The following CTPS2 variants were observed in gnomAD, a reference collection of about 807,000 sequenced individuals.
CTPS2 encodes the protein CTP synthase II.
CTPS2 carries 19 observed loss-of-function variants against 46.8 expected under a neutral mutation model. The observed-to-expected ratio is 0.41, with a 90% confidence interval of 0.28 to 0.60. The LOEUF (loss-of-function observed/expected upper bound fraction) is 0.60, where lower values mean the gene tolerates loss of function less well. Among genes scored for constraint, CTPS2 ranks in the 20% least tolerant of loss-of-function variants. The pLI is 0.35. For synonymous variants in CTPS2, 151 were observed against 165.2 expected (o/e 0.91, Z 0.66); for missense variants, 286 against 447.6 (o/e 0.64, Z 3.26).
chrX:16,611,331 G>C (rs980835419), intron 16 of CTPS2, among the ~76,000 whole-genome samples: 12 of 110,019 alleles, frequency 1.1e-4, no homozygotes, highest in African/African-American at 4.0e-4. Flanking sequence ...TGCACCTGTG[G>C]TTCCAGCTAC....
chrX:16,622,141 A>G (rs375624008), intron 14 of CTPS2, among the ~76,000 whole-genome samples: 3 of 111,010 alleles, frequency 2.7e-5, no homozygotes, highest in East Asian at 5.6e-4. Context: ...GCGGTGGCTC[A>G]CACCTGTAAT....
chrX:16,618,098 C>T (rs927886101), intron 15 of CTPS2, among the ~76,000 whole-genome samples: 1 of 111,577 alleles, frequency 9.0e-6, no homozygotes, highest in African/African-American at 3.3e-5. Context: ...CCCAACCCCC[C>T]ATCACCCTGA....
At chrX:16,637,288 G>A (rs752733629) in intron 14 of CTPS2, among the ~76,000 whole-genome samples, 4 of 111,316 alleles carry the variant, frequency 3.6e-5, no homozygotes, top group African/African-American at 1.3e-4. Context: ...GCACCATCAT[G>A]GCTCACTGCA....
intron 13 of CTPS2, among the ~76,000 whole-genome samples, chrX:16,649,742 C>T (rs192890692): frequency 4.4e-5 from 5 of 112,366 alleles, no homozygotes; most frequent in East Asian, 2.8e-4. Flanking sequence ...CCTCCTGCCT[C>T]GGCCTCCCAA....
At chrX:16,625,338 G>A (rs1339348677) in intron 14 of CTPS2, among the ~76,000 whole-genome samples, 3 of 112,365 alleles carry the variant, frequency 2.7e-5, no homozygotes, top group South Asian at 7.4e-4. Flanking sequence ...TCGATAAAAC[G>A]AGAGAGTTCC....
intron 1 of CTPS2, among the ~76,000 whole-genome samples, chrX:16,706,615 C>G (rs953835763): frequency 2.7e-4 from 30 of 111,193 alleles, no homozygotes; most frequent in African/African-American, 9.2e-4. Flanking sequence ...AATCCCAGCA[C>G]TTTGGGAGGC....
intron 13 of CTPS2, among the ~76,000 whole-genome samples, chrX:16,640,305 C>T (rs1025359209): frequency 3.6e-5 from 4 of 111,393 alleles, no homozygotes; most frequent in African/African-American, 1.3e-4. Context: ...GGACAATCTC[C>T]TCCCATTCCT....
intron 1 of CTPS2, among the ~76,000 whole-genome samples, chrX:16,709,232 A>G (rs1925259835): frequency 9.1e-6 from 1 of 110,252 alleles, no homozygotes; most frequent in South Asian, 3.8e-4. Context: ...GTTCGAGACC[A>G]GCCTGGGCAA....
chrX:16,702,788 T>C lies in CTPS2; in HGVS notation c.115A>G (p.Ile39Val), dbSNP rs748681813. 3 of 1,210,716 alleles carry C rather than the reference T, an allele frequency of 2.5e-6. No individual in the cohort carries two copies. The highest frequency in any genetic ancestry group is 2.2e-6 in the Non-Finnish European group (2 of 894,932). ...GCATCGATGTTAATATAGGGGTCGATTTTTATGGCAGTAACTCGGAGTCCA... is the reference window on the plus strand; with the variant it reads ...GCATCGATGTTAATATAGGGGTCGACTTTTATGGCAGTAACTCGGAGTCCA... The part of the protein sequence containing the change: ...SCGLRVTAIK[I>V]DPYINIDAGT... Residue 39 changes from isoleucine (I) to valine (V), a missense_variant, in exon 2 of 19, where the codon ATC (isoleucine) becomes GTC (valine). By Grantham distance (29) the Ile-to-Val change is conservative (BLOSUM62 3). Coordinates refer to ENST00000359276, the MANE Select transcript of CTPS2 (RefSeq NM_175859.3).
At chrX:16,656,921 T>G (rs1371300254) in intron 13 of CTPS2, among the ~76,000 whole-genome samples, 1 of 111,680 alleles carries the variant, frequency 9.0e-6, no homozygotes, top group Non-Finnish European at 1.9e-5. Context: ...TATTGCTCGG[T>G]AGCCCAGGCT....
chrX:16,665,907 C>T lies in CTPS2; in HGVS notation c.1296+1607G>A, dbSNP rs745467350. 7.2e-5 allele frequency among the ~76,000 whole-genome samples: 8 copies of T among 111,238 alleles called. No individual in the cohort carries two copies. In the South Asian group the frequency reaches 2.3e-3, roughly 32 times the overall value. Reference sequence around the variant, plus strand: ...CTGGGATTACAAGCATGCACCAGCACGCCCAGCTAATTTTTTGTATTTTTA... The same window carrying T: ...CTGGGATTACAAGCATGCACCAGCATGCCCAGCTAATTTTTTGTATTTTTA... On this transcript the variant is annotated intron_variant, in intron 13 of 18. Transcript: ENST00000359276.
At position 16,598,125 on chromosome X, in the gene CTPS2, C is replaced by A. The variant is rs1311107512; in HGVS notation, c.1692-7263G>T. Among the ~76,000 whole-genome samples, 7 of 110,863 alleles carry A rather than the reference C, an allele frequency of 6.3e-5. No individual in the cohort carries two copies. In the East Asian group the frequency reaches 1.7e-3, roughly 27 times the overall value. On this transcript the variant is annotated intron_variant, in intron 17 of 18. Coordinates refer to ENST00000359276, the MANE Select transcript of CTPS2 (RefSeq NM_175859.3). ...AAAGCAGGAAAATCCAAAACTGACA[C>A]CCTAACATCACAATTAAAAGAACTA...
chrX:16,599,782 C>G (rs765056075), intron 17 of CTPS2, among the ~76,000 whole-genome samples: 6 of 107,379 alleles, frequency 5.6e-5, no homozygotes, highest in Non-Finnish European at 7.7e-5. Flanking sequence ...GGCACCCCCC[C>G]CCTTTTTTTT....
intron 17 of CTPS2, among the ~76,000 whole-genome samples, chrX:16,604,352 A>G (rs780717178): frequency 8.9e-6 from 1 of 112,839 alleles, no homozygotes; most frequent in Admixed American, 9.4e-5. Flanking sequence ...ATATACATCA[A>G]GCACTGTCCA....
At position 16,588,636 on chromosome X, in the gene CTPS2, A is replaced by T. The variant is rs1017170544; in HGVS notation, c.*1181T>A. ...GTAATTCCACTTATATGAAATATCC[A>T]GAATAGAAAAAGCCACAGAAATAAA... On this transcript the variant is annotated 3_prime_UTR_variant, in exon 19 of 19. Transcript: ENST00000359276. 8.9e-6 allele frequency: 1 copy of T among 111,997 alleles called. No individual in the cohort carries two copies. The highest frequency in any genetic ancestry group is 1.9e-5 in the Non-Finnish European group (1 of 53,242). The allele number at this position is 111,997 out of a possible 1,213,427, so 9.2% of individuals were successfully genotyped here.
chrX:16,638,604 C>T, intron 14 of CTPS2: 1 of 152,701 alleles, frequency 6.5e-6, no homozygotes, highest in South Asian at 1.5e-4. Context: ...TAGAATTAAC[C>T]TTATGGGGAG....
chrX:16,703,031 T>C (rs1924704694), intron 1 of CTPS2, 90 bp from the exon 2 acceptor site: 1 of 628,916 alleles, frequency 1.6e-6, no homozygotes, highest in Admixed American at 4.1e-5. Context: ...AATTTTTTTT[T>C]TTTTTTTTTT....
intron 14 of CTPS2, among the ~76,000 whole-genome samples, chrX:16,635,114 G>A (rs1236359412): frequency 9.0e-6 from 1 of 111,429 alleles, no homozygotes; most frequent in Non-Finnish European, 1.9e-5. Flanking sequence ...TGGCCTATAA[G>A]TCAAATTTAA....
At chrX:16,690,071 A>C (rs1181401689) in intron 7 of CTPS2, among the ~76,000 whole-genome samples, 1 of 106,602 alleles carries the variant, frequency 9.4e-6, no homozygotes, top group Non-Finnish European at 1.9e-5. Flanking sequence ...AAAGAAGTGT[A>C]CACAAAACGA....
Sources: allele counts gnomAD v4.1 joint callset (sites outside exome capture counted in the v4.1 genomes callset), GRCh38; gene constraint gnomAD v4.1.1; transcripts MANE v1.5; gene names NCBI Gene and HGNC (gene_info 2026-07-23, HGNC 2026-07-21).